The following GEMIN5 variants were observed in gnomAD, a reference collection of about 807,000 sequenced individuals.
The protein encoded by GEMIN5 is gem-associated protein 5.
A neutral mutation model predicts 176.9 loss-of-function variants in GEMIN5; 124 were observed. The ratio of observed to expected loss-of-function variants is 0.70; its 90% CI spans 0.61 to 0.81. The LOEUF is 0.81. Among genes scored for constraint, GEMIN5 ranks in the 40% least tolerant of loss-of-function variants. The pLI is 0.00. For synonymous variants in GEMIN5, 673 were observed against 665.2 expected (o/e 1.01, Z -0.18); for missense variants, 1,843 against 1,814.6 (o/e 1.02, Z -0.28).
At chr5:154,934,662 C>A (rs964361656) in intron 3 of GEMIN5, among the ~76,000 whole-genome samples, 1 of 152,138 alleles carries the variant, frequency 6.6e-6, no homozygotes, top group African/African-American at 2.4e-5. Context: ...TTCTCCCTCT[C>A]CCTCAAGAGT....
At chr5:154,925,060 C>A in intron 8 of GEMIN5, among the ~76,000 whole-genome samples, 1 of 151,796 alleles carries the variant, frequency 6.6e-6, no homozygotes, top group Non-Finnish European at 1.5e-5. Context: ...TTCAAAAAAC[C>A]GACTGCAGAT....
chr5:154,889,141 G>T (rs900309772), intron 27 of GEMIN5, among the ~76,000 whole-genome samples, 180 bp downstream of exon 27: 6 of 149,090 alleles, frequency 4.0e-5, no homozygotes, highest in Non-Finnish European at 7.6e-5. Context: ...CTCCCAAAGC[G>T]CTGGGATTAC....
chr5:154,910,005 A>C (rs529870963), intron 15 of GEMIN5, among the ~76,000 whole-genome samples: 1 of 151,716 alleles, frequency 6.6e-6, no homozygotes, highest in South Asian at 2.1e-4. Flanking sequence ...AATTTCACAT[A>C]AACAGAATTA....
intron 4 of GEMIN5, 129 bp downstream of exon 4, chr5:154,931,970 G>A (rs1323881944): frequency 2.4e-5 from 18 of 736,554 alleles, no homozygotes; most frequent in Middle Eastern, 4.0e-4. Context: ...CCGAGATCAC[G>A]CTCCAGCCTA....
intron 18 of GEMIN5, 39 bp downstream of exon 18, chr5:154,904,467 CG>C (rs751440194): frequency 5.3e-5 from 84 of 1,587,850 alleles, no homozygotes; most frequent in Non-Finnish European, 7.0e-5. Context: ...ATACCAGTCC[CG>C]GAAGACTATG....
Position 154,917,056 on chromosome 5 carries a change from C to A in GEMIN5, c.1797G>T (p.Leu599=), listed in dbSNP as rs1256574646. 5 of 1,609,028 alleles carry A rather than the reference C, an allele frequency of 3.1e-6. No homozygotes were observed. In the African/African-American group the frequency reaches 5.3e-5, roughly 17 times the overall value. ...CTGCATTGTTGGAGCCAGAGGCCATCAGATAGCTCAATTCTGGCTGGCTGC... is the reference window on the plus strand; with the variant it reads ...CTGCATTGTTGGAGCCAGAGGCCATAAGATAGCTCAATTCTGGCTGGCTGC... The part of the protein sequence containing the change: ...EHGSQPELSY[L]MASGSNNAVI... The change falls in exon 13 of 28, where the codon CTG becomes CTT. Residue 599 remains leucine (L), a synonymous_variant. Transcript: ENST00000285873.
At chr5:154,932,495 A>G (rs1034545404) in intron 3 of GEMIN5, among the ~76,000 whole-genome samples, 2 of 152,148 alleles carry the variant, frequency 1.3e-5, no homozygotes, top group Non-Finnish European at 2.9e-5. Context: ...AGGTAATACT[A>G]TGTATGTTGC....
chr5:154,931,197 T>A (rs1208506139), intron 5 of GEMIN5, among the ~76,000 whole-genome samples: 2 of 152,260 alleles, frequency 1.3e-5, no homozygotes, highest in African/African-American at 4.8e-5. Context: ...TATTCTGCTC[T>A]CCATGCCAAA....
rs1763890059 is a variant in GEMIN5 at position 154,919,979 on chromosome 5, G to A, written c.1587C>T (p.Thr529=). 1 of 1,613,254 alleles carries A rather than the reference G, an allele frequency of 6.2e-7. No homozygotes were observed. The highest frequency in any genetic ancestry group is 1.1e-5 in the South Asian group (1 of 90,976). ...CACAAGAACTCACTTTGATTGAATT[G>A]GTGTCCCTGATGAGTTTGTTGATGT... ...AFDINKLIRD[T]NSIKYKLPVH... Residue 529 remains threonine (T), a synonymous_variant, in exon 11 of 28, where the codon ACC becomes ACT. Transcript: ENST00000285873.
intron 21 of GEMIN5, 112 bp downstream of exon 21, chr5:154,901,227 G>A (rs1763454929): frequency 3.0e-6 from 3 of 1,015,080 alleles, no homozygotes; most frequent in Non-Finnish European, 4.4e-6. Context: ...GTTACTCAGG[G>A]GGCTGAAGCA....
Position 154,901,322 on chromosome 5 carries a change from T to C in GEMIN5, c.3014+17A>G. On this transcript the variant is annotated intron_variant, in intron 21 of 27. Coordinates refer to ENST00000285873, the MANE Select transcript of GEMIN5 (RefSeq NM_015465.5). ...CATTATGTCCAAGTATTATCCCAAC[T>C]CTAGGACCACACAGACCTGTAAAAA... 6.2e-7 allele frequency: 1 copy of C among 1,605,704 alleles called. No individual in the cohort carries two copies. Among genetic ancestry groups the C allele is most frequent in the Non-Finnish European group, 8.5e-7 (1 of 1,173,332 alleles).
At chr5:154,894,004 G>A (rs971097689) in intron 24 of GEMIN5, among the ~76,000 whole-genome samples, 1 of 152,098 alleles carries the variant, frequency 6.6e-6, no homozygotes, top group East Asian at 1.9e-4. Flanking sequence ...TAGTGCAGTG[G>A]TTCCATCTTG....
Position 154,925,853 on chromosome 5 carries a change from A to C in GEMIN5, c.1293+9T>G, listed in dbSNP as rs1285165713. On this transcript the variant is annotated intron_variant, in intron 8 of 27. Transcript: ENST00000285873. ...AAGTTCAAAACAAGCTCAAAAAAAG[A>C]ATCCTTACCGCTGTAACCTTGGACT... The C allele has an allele frequency of 2.0e-6, 3 of 1,535,014 alleles. No homozygotes were observed. In the African/African-American group the frequency reaches 4.1e-5, roughly 21 times the overall value.
At chr5:154,936,970 G>T (rs1368281289) in intron 2 of GEMIN5, 55 bp downstream of exon 2, 2 of 1,403,204 alleles carry the variant, frequency 1.4e-6, no homozygotes, top group African/African-American at 1.4e-5. Flanking sequence ...TGCAACAGAA[G>T]AACCCTCAGC....
In GEMIN5 at chr5:154,938,003, C is replaced by T. The variant is rs1764307453; in HGVS notation, c.131G>A (p.Gly44Asp). ...GGGTGTCCCTGGACTCTCGCCTGCG[C>T]CCGGGCCCACGCGGACAAGGAAGAC... ...TSVFLVRVGP[G>D]AGESPGTPPF... is the part of the protein sequence containing the mutation. Residue 44 changes from glycine to aspartate, a missense_variant, in exon 1 of 28, where the codon GGC becomes GAC. Coordinates refer to ENST00000285873, the MANE Select transcript of GEMIN5 (RefSeq NM_015465.5). The T allele has an allele frequency of 6.4e-7, 1 of 1,571,112 alleles. No homozygotes were observed. The highest frequency in any genetic ancestry group is 8.6e-7 in the Non-Finnish European group (1 of 1,161,398).
At chr5:154,917,886 T>C in intron 12 of GEMIN5, 45 bp downstream of exon 12, 1 of 1,194,984 alleles carries the variant, frequency 8.4e-7, no homozygotes. Flanking sequence ...TGATCAAATA[T>C]ATGTGCGATT....
Position 154,889,559 on chromosome 5 carries a change from T to C in GEMIN5, c.4263-142A>G, listed in dbSNP as rs1403801025. ...TTAAAAATACATAGTTCAGTGATTT[T>C]AAATAAATTCATAATGTGGTGAAAA... is the stretch of plus-strand genomic sequence containing the variant. On this transcript the variant is annotated intron_variant, in intron 26 of 27. Coordinates refer to ENST00000285873, the MANE Select transcript of GEMIN5 (RefSeq NM_015465.5). 3.4e-5 allele frequency: 17 copies of C among 506,682 alleles called. No homozygotes were observed. In the East Asian group the frequency reaches 4.6e-4, roughly 14 times the overall value. The allele number at this position is 506,682 out of a possible 1,614,324, so 31.4% of individuals were successfully genotyped here.
Position 154,905,425 on chromosome 5 carries a change from G to T in GEMIN5, c.2447C>A (p.Ser816Ter). 1 of 1,609,048 alleles carries T rather than the reference G, an allele frequency of 6.2e-7. No individual in the cohort carries two copies. The highest frequency in any genetic ancestry group is 1.1e-5 in the South Asian group (1 of 90,286). The change falls in exon 17 of 28, where the codon TCA becomes TAA. Residue 816 changes from serine (S) to a stop codon, truncating the protein, a stop_gained. Coordinates refer to ENST00000285873, the MANE Select transcript of GEMIN5 (RefSeq NM_015465.5). LOFTEE classifies it high-confidence loss of function. ...GACTTTGTTATTAATGGTGACTTTTGACTTTTCAAAGCCTGAGGAAACTGG... is the reference window on the plus strand; with the variant it reads ...GACTTTGTTATTAATGGTGACTTTTTACTTTTCAAAGCCTGAGGAAACTGG... The part of the protein sequence containing the change: ...CTPVSSGFEK[S>*]KVTINNKVIL...
At chr5:154,924,427 G>T in intron 9 of GEMIN5, 42 bp downstream of exon 9, 2 of 1,306,750 alleles carry the variant, frequency 1.5e-6, no homozygotes, top group Non-Finnish European at 2.2e-6. Flanking sequence ...CAACCTTTTG[G>T]CTCCCCGGGC....
Sources: gnomAD v4.1 joint callset for allele counts (sites outside exome capture counted in the v4.1 genomes callset) on GRCh38, gnomAD v4.1.1 for gene constraint, MANE v1.5 for transcripts, NCBI Gene and HGNC (gene_info 2026-07-23, HGNC 2026-07-21) for gene names.